The following GALNT18 variants were observed in gnomAD, a reference collection of about 807,000 sequenced individuals.
The protein encoded by GALNT18 is GalNAc-transferase 18.
GALNT18 carries 44 observed loss-of-function variants against 69.5 expected under a neutral mutation model. That is an observed-to-expected ratio of 0.63 (90% CI 0.50 to 0.81). The LOEUF (loss-of-function observed/expected upper bound fraction) is 0.81. Among genes scored for constraint, GALNT18 ranks in the 40% least tolerant of loss-of-function variants. The probability of loss-of-function intolerance (pLI) is 0.00; values close to 1 mark genes in which losing one functional copy is unlikely to be tolerated. For synonymous variants in GALNT18, 364 were observed against 318.2 expected (o/e 1.14, Z -1.53); for missense variants, 715 against 810.0 (o/e 0.88, Z 1.42).
chr11:11,555,230 C>G lies in GALNT18; in HGVS notation c.235+66129G>C, dbSNP rs2133974719. Among the ~76,000 whole-genome samples, 1 of 152,312 alleles carries G rather than the reference C, an allele frequency of 6.6e-6. No individual in the cohort carries two copies. Among genetic ancestry groups the G allele is most frequent in the South Asian group, 2.1e-4 (1 of 4,822 alleles). On this transcript the variant is annotated intron_variant, in intron 1 of 10. Transcript: ENST00000227756. This position sits in a 1 kb window ranked among gnomAD's most constrained non-coding sequence, Gnocchi z 4.7. ...ATCCCCACCCCACCATTCATGCCAG[C>G]CAAGCTGCCAAGGACCCAGCCCCTC...
At chr11:11,476,447 T>C (rs1856399823) in intron 1 of GALNT18, 1 of 152,208 alleles carries the variant, frequency 6.6e-6, no homozygotes, top group African/African-American at 2.4e-5. Context: ...AAATTTCTCC[T>C]ATAGCCTATA....
rs10700486 is a variant in GALNT18 at position 11,377,670 on chromosome 11, GA to G, written c.780-292del. 3.2e-4 allele frequency among the ~76,000 whole-genome samples: 47 copies of G among 146,464 alleles called. No homozygotes were observed. The highest frequency in any genetic ancestry group is 3.5e-3 in the Middle Eastern group (1 of 288). On this transcript the variant is annotated intron_variant, in intron 4 of 10. Coordinates refer to ENST00000227756, the MANE Select transcript of GALNT18 (RefSeq NM_198516.3). The surrounding 1 kb of genome is among the most constrained non-coding windows in gnomAD (Gnocchi z 4.6). ...CTGCTCGCTTTCCCTTTCTCCATTA[GA>G]AAAAAAAAAAATCAAGACTCAAAAA...
intron 9 of GALNT18, among the ~76,000 whole-genome samples, chr11:11,316,812 G>A (rs1343733808): frequency 3.3e-5 from 5 of 152,314 alleles, no homozygotes; most frequent in East Asian, 1.9e-4. Context: ...GCAGTAGGTT[G>A]TAAGATTTCA....
chr11:11,576,581 G>A (rs892944684), intron 1 of GALNT18, among the ~76,000 whole-genome samples: 9 of 152,220 alleles, frequency 5.9e-5, no homozygotes, highest in African/African-American at 2.2e-4. Flanking sequence ...TAGGAGGAAA[G>A]ATGATTATCC....
At position 11,562,082 on chromosome 11, in the gene GALNT18, C is replaced by A. The variant is rs1858524842; in HGVS notation, c.235+59277G>T. ...CTTTACTAAAGGTGTGGGATTGCTCCCTGCATTAGTTTGCTAGTGCTGTCC... is the reference window on the plus strand; with the variant it reads ...CTTTACTAAAGGTGTGGGATTGCTCACTGCATTAGTTTGCTAGTGCTGTCC... On this transcript the variant is annotated intron_variant, in intron 1 of 10. Transcript: ENST00000227756. This position sits in a 1 kb window ranked among gnomAD's most constrained non-coding sequence, Gnocchi z 4.1. Among the ~76,000 whole-genome samples the A allele has an allele frequency of 6.6e-6, 1 of 152,184 alleles. No individual in the cohort carries two copies. The highest frequency in any genetic ancestry group is 1.9e-4 in the East Asian group (1 of 5,192).
intron 1 of GALNT18, among the ~76,000 whole-genome samples, chr11:11,498,802 AAAAT>A (rs1036330305): frequency 1.3e-5 from 2 of 152,246 alleles, no homozygotes; most frequent in African/African-American, 2.4e-5. Context: ...CCATCTCAAA[AAAAT>A]AAATAAATAA....
intron 10 of GALNT18, among the ~76,000 whole-genome samples, chr11:11,287,712 A>AAATC (rs1447422198): frequency 1.3e-5 from 2 of 152,194 alleles, no homozygotes; most frequent in Non-Finnish European, 2.9e-5. Flanking sequence ...AAACAGGAAA[A>AAATC]AATCACTGAA....
chr11:11,416,883 A>G (rs1854878149), intron 3 of GALNT18, among the ~76,000 whole-genome samples: 1 of 152,196 alleles, frequency 6.6e-6, no homozygotes, highest in Non-Finnish European at 1.5e-5. Flanking sequence ...AATAGGACTG[A>G]GCCCTGCCCC....
chr11:11,324,360 T>C (rs997397318), intron 9 of GALNT18, among the ~76,000 whole-genome samples: 12 of 152,334 alleles, frequency 7.9e-5, no homozygotes, highest in African/African-American at 1.9e-4. Flanking sequence ...AGGTTGTTCA[T>C]AGCAGCAGTA....
intron 1 of GALNT18, among the ~76,000 whole-genome samples, chr11:11,525,825 G>A (rs1339283645): frequency 6.6e-6 from 1 of 151,808 alleles, no homozygotes; most frequent in East Asian, 1.9e-4. Context: ...GTAGAGACAG[G>A]GTTTCTCCAT....
At chr11:11,307,804 T>C (rs983997569) in intron 9 of GALNT18, among the ~76,000 whole-genome samples, 1 of 152,206 alleles carries the variant, frequency 6.6e-6, no homozygotes, top group Admixed American at 6.5e-5. Flanking sequence ...GGGATGCTGA[T>C]TCCTTCCTTT....
intron 1 of GALNT18, among the ~76,000 whole-genome samples, chr11:11,566,619 A>G (rs1858658662): frequency 6.6e-6 from 1 of 152,240 alleles, no homozygotes; most frequent in African/African-American, 2.4e-5. Flanking sequence ...AAGTATATAT[A>G]GAAAGAAAGA....
At position 11,355,374 on chromosome 11, in the gene GALNT18, T is replaced by G. The variant is rs149455269; in HGVS notation, c.1093-14370A>C. 3.7e-3 allele frequency among the ~76,000 whole-genome samples: 560 copies of G among 152,266 alleles called. 3 individuals carry two copies. Among genetic ancestry groups the G allele is most frequent in the Non-Finnish European group, 6.3e-3 (430 of 68,018 alleles). On this transcript the variant is annotated intron_variant, in intron 6 of 10. Coordinates refer to ENST00000227756, the MANE Select transcript of GALNT18 (RefSeq NM_198516.3). ...CATATGCTGAGGCTGTAACTCCCCATGTGACTATATTGGAGATGGGGCATT... is the reference window on the plus strand; with the variant it reads ...CATATGCTGAGGCTGTAACTCCCCAGGTGACTATATTGGAGATGGGGCATT...
Position 11,341,550 on chromosome 11 carries a change from C to T in GALNT18, c.1093-546G>A, listed in dbSNP as rs116969170. Among the ~76,000 whole-genome samples the T allele has an allele frequency of 8.4e-3, 1,278 of 152,196 alleles. 7 individuals carry two copies. Among genetic ancestry groups the T allele is most frequent in the Middle Eastern group, 0.017 (5 of 292 alleles). On this transcript the variant is annotated intron_variant, in intron 6 of 10. Transcript: ENST00000227756. This position sits in a 1 kb window ranked among gnomAD's most constrained non-coding sequence, Gnocchi z 6.3. ...GGTTCTGACTGAATCTGAGGGAGAG[C>T]GCTGCAAAGAAGGAAATGATATTAA... is the stretch of plus-strand genomic sequence containing the variant.
chr11:11,282,285 G>A (rs986300852), intron 10 of GALNT18, among the ~76,000 whole-genome samples: 11 of 152,144 alleles, frequency 7.2e-5, no homozygotes, highest in Admixed American at 2.0e-4. Flanking sequence ...GCAGCCTCCT[G>A]TTTTACCAAC....
chr11:11,381,280 T>C (rs1443357762), intron 3 of GALNT18, among the ~76,000 whole-genome samples: 2 of 152,188 alleles, frequency 1.3e-5, no homozygotes, highest in African/African-American at 4.8e-5. Flanking sequence ...AAGTCTGATA[T>C]CTGGGTTTTT....
intron 1 of GALNT18, among the ~76,000 whole-genome samples, chr11:11,565,845 A>AAAAGGTTTTGG (rs1858637738): frequency 6.6e-6 from 1 of 152,224 alleles, no homozygotes; most frequent in Non-Finnish European, 1.5e-5. Flanking sequence ...CAGGAAGTTA[A>AAAAGGTTTTGG]AAAGGTTTTG....
chr11:11,514,492 A>T (rs1275811597), intron 1 of GALNT18, among the ~76,000 whole-genome samples: 2 of 152,222 alleles, frequency 1.3e-5, no homozygotes, highest in Non-Finnish European at 2.9e-5. Flanking sequence ...GTGAATAAGA[A>T]CAGCTGTTAC....
At chr11:11,464,880 C>G (rs573677494) in intron 1 of GALNT18, among the ~76,000 whole-genome samples, 2 of 152,208 alleles carry the variant, frequency 1.3e-5, no homozygotes, top group South Asian at 4.1e-4. Context: ...ATTGTGAGGA[C>G]TGAATAAGTT....
Sources: gnomAD v4.1 joint callset for allele counts (sites outside exome capture counted in the v4.1 genomes callset) on GRCh38, gnomAD v4.1.1 for gene constraint, Gnocchi (gnomAD v3.1) non-coding constraint, MANE v1.5 for transcripts, NCBI Gene and HGNC (gene_info 2026-07-23, HGNC 2026-07-21) for gene names.